Variants in MYO3B observed in about 807,000 individuals in gnomAD.
The protein encoded by MYO3B is myosin-IIIb.
In MYO3B, 156 loss-of-function variants were observed where a neutral mutation model predicts 174.6. That is an observed-to-expected ratio of 0.89 (90% CI 0.78 to 1.02). The LOEUF (loss-of-function observed/expected upper bound fraction) is 1.02. MYO3B is among the 50% of genes least tolerant of loss of function. The pLI is 0.00. For synonymous variants in MYO3B, 563 were observed against 569.1 expected, an observed-to-expected ratio of 0.99 and a Z score of 0.15; for missense variants, 1,632 against 1,639.4, an observed-to-expected ratio of 1.00 and a Z score of 0.08.
intron 28 of MYO3B, among the ~76,000 whole-genome samples, chr2:170,513,389 C>T (rs1352968939): frequency 6.6e-6 from 1 of 152,202 alleles, no homozygotes. Context: ...TCCTGGCAAT[C>T]CTTGGCCTTC....
At chr2:170,631,891 A>G (rs1022937884) in intron 32 of MYO3B, among the ~76,000 whole-genome samples, 2 of 152,236 alleles carry the variant, frequency 1.3e-5, no homozygotes, top group African/African-American at 4.8e-5. Context: ...AAAGATCAAA[A>G]GAGACAAGGA....
At chr2:170,223,177 C>T (rs1337253460) in intron 6 of MYO3B, among the ~76,000 whole-genome samples, 1 of 152,140 alleles carries the variant, frequency 6.6e-6, no homozygotes, top group African/African-American at 2.4e-5. Flanking sequence ...CTCATAGTCA[C>T]TTCCTTGAAC....
intron 7 of MYO3B, among the ~76,000 whole-genome samples, chr2:170,288,703 C>T (rs1158436459): frequency 6.6e-6 from 1 of 151,938 alleles, no homozygotes; most frequent in Non-Finnish European, 1.5e-5. Context: ...CTTTAGATGC[C>T]CTTTTTTTCG....
intron 7 of MYO3B, among the ~76,000 whole-genome samples, chr2:170,288,312 A>C (rs568704492): frequency 6.6e-6 from 1 of 151,456 alleles, no homozygotes; most frequent in East Asian, 1.9e-4. Context: ...AATTGCTTTG[A>C]GTAGTGTTGT....
chr2:170,544,410 G>T (rs1393634058), intron 32 of MYO3B, among the ~76,000 whole-genome samples: 1 of 152,140 alleles, frequency 6.6e-6, no homozygotes, highest in Non-Finnish European at 1.5e-5. Flanking sequence ...AAATGCCTTT[G>T]GGACACAACT....
rs1456317752 is a variant in MYO3B at position 170,225,177 on chromosome 2, T to C, written c.603+7782T>C. ...TGTGTTAGGTGCTAAGTGAGTTGTG[T>C]GTATTAACTCATTTATAAATCTTAC... On this transcript the variant is annotated intron_variant, in intron 6 of 34. Transcript: ENST00000408978. Among the ~76,000 whole-genome samples the C allele has an allele frequency of 2.6e-5, 4 of 152,262 alleles. No individual in the cohort carries two copies. In the South Asian group the frequency reaches 8.3e-4, roughly 32 times the overall value.
chr2:170,399,242 C>CAAAAAAAAA lies in MYO3B; in HGVS notation c.1792-930_1792-922dup, dbSNP rs71399532. Among the ~76,000 whole-genome samples the CAAAAAAAAA allele has an allele frequency of 6.6e-3, 102 of 15,568 alleles. 7 individuals carry two copies. The highest frequency in any genetic ancestry group is 9.9e-3 in the Non-Finnish European group (74 of 7,438). 10.2% of individuals were successfully genotyped at this position (15,568 alleles called of 152,430 possible). A position where few individuals can be genotyped will look rare whatever the true frequency, so the allele number is the denominator to read the frequency against. The stretch of plus-strand genomic sequence containing the variant: ...GGGCAACAAGAGCGAAATTCCGTCT[C>CAAAAAAAAA]AAAAAAAAAAAAAAAAAAAAAAAAG... On this transcript the variant is annotated intron_variant, in intron 16 of 34. Coordinates refer to ENST00000408978, the MANE Select transcript of MYO3B (RefSeq NM_138995.5).
intron 6 of MYO3B, among the ~76,000 whole-genome samples, chr2:170,230,845 A>G (rs1373489080): frequency 6.6e-6 from 1 of 152,192 alleles, no homozygotes; most frequent in Non-Finnish European, 1.5e-5. Context: ...GAGGCCCATG[A>G]AAAAGGGGTT....
At chr2:170,403,054 C>T (rs2094488359) in intron 19 of MYO3B, 59 bp downstream of exon 19, 4 of 1,499,240 alleles carry the variant, frequency 2.7e-6, no homozygotes, top group Non-Finnish European at 3.6e-6. Context: ...CCAAGCTGCC[C>T]ACAATTTGTA....
chr2:170,639,032 C>T (rs546582820), intron 32 of MYO3B, among the ~76,000 whole-genome samples: 1 of 152,238 alleles, frequency 6.6e-6, no homozygotes, highest in African/African-American at 2.4e-5. Flanking sequence ...GACGAGTGCC[C>T]CAGGGTCCCC....
At chr2:170,491,720 T>C (rs1480480801) in intron 25 of MYO3B, among the ~76,000 whole-genome samples, 1 of 152,248 alleles carries the variant, frequency 6.6e-6, no homozygotes, top group East Asian at 1.9e-4. Flanking sequence ...CCACTGTGCC[T>C]GGCCATGTAT....
intron 22 of MYO3B, among the ~76,000 whole-genome samples, chr2:170,416,254 G>A (rs1054838863): frequency 6.6e-6 from 1 of 152,062 alleles, no homozygotes; most frequent in Non-Finnish European, 1.5e-5. Flanking sequence ...CGGATGCAGT[G>A]GCTTACACCT....
chr2:170,628,510 C>T (rs1277148015), intron 32 of MYO3B, among the ~76,000 whole-genome samples: 1 of 152,216 alleles, frequency 6.6e-6, no homozygotes. Flanking sequence ...GAGGCAATGC[C>T]TTGCCCTGCT....
chr2:170,440,472 T>A (rs1214730003), intron 22 of MYO3B, among the ~76,000 whole-genome samples: 2 of 152,202 alleles, frequency 1.3e-5, no homozygotes, highest in Admixed American at 1.3e-4. Flanking sequence ...GTTTTGTAGT[T>A]TTTGGTGTAA....
At chr2:170,237,169 G>A (rs2093079899) in intron 7 of MYO3B, among the ~76,000 whole-genome samples, 1 of 152,184 alleles carries the variant, frequency 6.6e-6, no homozygotes, top group Non-Finnish European at 1.5e-5. Flanking sequence ...AGCAGACGAA[G>A]CACCTGGCTT....
At chr2:170,222,983 TA>T (rs1003627905) in intron 6 of MYO3B, among the ~76,000 whole-genome samples, 1 of 151,978 alleles carries the variant, frequency 6.6e-6, no homozygotes, top group African/African-American at 2.4e-5. Context: ...ACCACACACA[TA>T]GACTGTCTGC....
chr2:170,237,306 AT>A (rs200917233), intron 7 of MYO3B, among the ~76,000 whole-genome samples: 6 of 151,656 alleles, frequency 4.0e-5, no homozygotes, highest in African/African-American at 1.5e-4. Flanking sequence ...GTGTGCTTTG[AT>A]TTTTTTTTAC....
At chr2:170,241,873 C>T (rs2093138304) in intron 7 of MYO3B, among the ~76,000 whole-genome samples, 1 of 151,930 alleles carries the variant, frequency 6.6e-6, no homozygotes, top group Admixed American at 6.6e-5. Flanking sequence ...AATTCACAAA[C>T]CAAATTGTTC....
intron 32 of MYO3B, among the ~76,000 whole-genome samples, chr2:170,594,652 C>T (rs1002377487): frequency 9.2e-5 from 14 of 152,110 alleles, no homozygotes; most frequent in African/African-American, 3.4e-4. Flanking sequence ...GAACATCCCA[C>T]CCAGTAGCAG....
Sources: allele counts gnomAD v4.1 joint callset (sites outside exome capture counted in the v4.1 genomes callset), GRCh38; gene constraint gnomAD v4.1.1; transcripts MANE v1.5; gene names NCBI Gene and HGNC (gene_info 2026-07-23, HGNC 2026-07-21).